Variants in NXNL2 observed in about 807,000 individuals in gnomAD.
NXNL2 encodes the protein nucleoredoxin-like protein 2.
Under a neutral mutation model 11.1 loss-of-function variants are expected in NXNL2, and 7 were observed. The ratio of observed to expected loss-of-function variants is 0.63; its 90% CI spans 0.36 to 1.18. NXNL2 has a LOEUF of 1.18. Among genes scored for constraint, NXNL2 ranks in the 50% most tolerant of loss-of-function variants. The probability of loss-of-function intolerance (pLI) is 0.02; values close to 1 mark genes in which losing one functional copy is unlikely to be tolerated. For missense variants in NXNL2, 233 were observed against 217.7 expected (o/e 1.07, Z -0.44); for synonymous variants, 109 against 101.8 (o/e 1.07, Z -0.42).
intron 1 of NXNL2, among the ~76,000 whole-genome samples, chr9:88,564,252 ATCTATCTATCTATCTG>A (rs1383856969): frequency 1.6e-4 from 22 of 134,418 alleles, no homozygotes; most frequent in African/African-American, 4.9e-4. Context: ...CTATCTATCT[ATCTATCTATCTATCTG>A]TCTATCTATC....
At chr9:88,538,613 C>T (rs1278750921) in intron 1 of NXNL2, among the ~76,000 whole-genome samples, 1 of 152,206 alleles carries the variant, frequency 6.6e-6, no homozygotes, top group African/African-American at 2.4e-5. Flanking sequence ...TCTTTCCCAG[C>T]ACACAGCCAG....
chr9:88,560,349 C>T (rs552137841), intron 1 of NXNL2, among the ~76,000 whole-genome samples: 136 of 151,804 alleles, frequency 9.0e-4, no homozygotes, highest in African/African-American at 3.2e-3. Context: ...AGAAAAGAGA[C>T]GGAAAGGCTG....
intron 1 of NXNL2, among the ~76,000 whole-genome samples, chr9:88,566,438 G>A (rs890283011): frequency 3.3e-5 from 5 of 152,120 alleles, no homozygotes; most frequent in Admixed American, 6.6e-5. Flanking sequence ...GAGTAGCTGG[G>A]ACTGCAGGCA....
chr9:88,575,595 C>T (rs1830338840), exon 3 of NXNL2: 1 of 151,806 alleles, frequency 6.6e-6, no homozygotes, highest in Non-Finnish European at 1.5e-5. Context: ...AGGTTGGTTA[C>T]CAGAAGCTGG....
chr9:88,536,636 C>G (rs1413340141), intron 1 of NXNL2, among the ~76,000 whole-genome samples: 1 of 152,140 alleles, frequency 6.6e-6, no homozygotes, highest in Non-Finnish European at 1.5e-5. Flanking sequence ...GGCATTACCC[C>G]CTAAACTGAT....
chr9:88,581,258 C>T (rs1830405285), intron 1 of NXNL2, among the ~76,000 whole-genome samples: 1 of 152,166 alleles, frequency 6.6e-6, no homozygotes. Context: ...AAGAAATGGG[C>T]GAAGCCTATT....
At chr9:88,564,622 G>T (rs1587852824) in intron 1 of NXNL2, among the ~76,000 whole-genome samples, 1 of 151,972 alleles carries the variant, frequency 6.6e-6, no homozygotes. Context: ...CTCCATGTTG[G>T]TCAGGCTGGT....
downstream of NXNL2, among the ~76,000 whole-genome samples, chr9:88,545,534 C>T (rs1273615513): frequency 1.3e-5 from 2 of 152,164 alleles, no homozygotes; most frequent in African/African-American, 2.4e-5. Context: ...ACTCAGTGAA[C>T]CTGTGCCACT....
At chr9:88,538,604 C>G (rs962802262) in intron 1 of NXNL2, among the ~76,000 whole-genome samples, 1 of 152,188 alleles carries the variant, frequency 6.6e-6, no homozygotes, top group Non-Finnish European at 1.5e-5. Context: ...GTACTTTCCT[C>G]TTTCCCAGCA....
intron 1 of NXNL2, among the ~76,000 whole-genome samples, chr9:88,563,224 G>A (rs771409596): frequency 5.9e-5 from 9 of 152,228 alleles, no homozygotes; most frequent in East Asian, 1.9e-4. Context: ...ATGTATGCTC[G>A]TGCACATGCA....
chr9:88,558,527 G>A (rs1830046909), intron 1 of NXNL2, among the ~76,000 whole-genome samples: 1 of 152,126 alleles, frequency 6.6e-6, no homozygotes, highest in African/African-American at 2.4e-5. Flanking sequence ...AACTTAAGGA[G>A]AGGGTCATGG....
At chr9:88,542,151 T>C (rs1174292441) in intron 1 of NXNL2, among the ~76,000 whole-genome samples, 2 of 151,574 alleles carry the variant, frequency 1.3e-5, no homozygotes, top group East Asian at 3.9e-4. Context: ...GAGAATGGCA[T>C]GAACCCAGGA....
chr9:88,544,424 G>A lies in NXNL2; in HGVS notation c.348G>A (p.Val116=). 1 of 1,551,956 alleles carries A rather than the reference G, an allele frequency of 6.4e-7. No homozygotes were observed. The highest frequency in any genetic ancestry group is 8.7e-7 in the Non-Finnish European group (1 of 1,147,034). The change falls in exon 2 of 2, where the codon GTG becomes GTA. Residue 116 remains valine, a synonymous_variant. Coordinates refer to ENST00000375854, the MANE Select transcript of NXNL2 (RefSeq NM_001161625.2). ...ACGTCACAGCCATCCCCAAGCTTGT[G>A]ATTGTGAAACAAAATGGGGAGGTCA... The part of the protein sequence containing the change: ...RYNVTAIPKL[V]IVKQNGEVIT...
In NXNL2 at chr9:88,564,238, T is replaced by TTGTC. The variant is rs1446630273; in HGVS notation, c.303-6847_303-6844dup. Among the ~76,000 whole-genome samples, 10 of 141,108 alleles carry TTGTC rather than the reference T, an allele frequency of 7.1e-5. No individual in the cohort carries two copies. The East Asian group carries it at 1.5e-3, about 21-fold the overall frequency. 92.6% of individuals were successfully genotyped at this position (141,108 alleles called of 152,430 possible). A position where few individuals can be genotyped will look rare whatever the true frequency, so the allele number is the denominator to read the frequency against. On this transcript the variant is annotated intron_variant, in intron 1 of 2. Transcript: ENST00000375855. Reference sequence around the variant, plus strand: ...AAAAAAAAAAAGCCCTTCTCTGATGTTGTCTATCTATCTATCTATCTATCT... The same window carrying TTGTC: ...AAAAAAAAAAAGCCCTTCTCTGATGTTGTCTGTCTATCTATCTATCTATCTATCT...
intron 1 of NXNL2, among the ~76,000 whole-genome samples, chr9:88,555,448 A>G (rs746695943): frequency 3.2e-4 from 48 of 151,660 alleles, no homozygotes; most frequent in Middle Eastern, 6.8e-3. Flanking sequence ...CTGATGCACT[A>G]TATAATTAGC....
chr9:88,572,866 TCA>T (rs1404708045), intron 2 of NXNL2, among the ~76,000 whole-genome samples: 1 of 152,180 alleles, frequency 6.6e-6, no homozygotes, highest in Non-Finnish European at 1.5e-5. Flanking sequence ...CGGGATGTGC[TCA>T]CAGGCTGGTG....
intron 2 of NXNL2, among the ~76,000 whole-genome samples, chr9:88,574,856 G>T (rs1466128029): frequency 6.6e-6 from 1 of 152,210 alleles, no homozygotes. Flanking sequence ...CCTGGCAGGG[G>T]CCAGGTGGTC....
chr9:88,550,799 C>T (rs1341581368), intron 1 of NXNL2, among the ~76,000 whole-genome samples: 1 of 152,136 alleles, frequency 6.6e-6, no homozygotes. Context: ...ATGACATTTT[C>T]CATTTGGTAT....
intron 1 of NXNL2, among the ~76,000 whole-genome samples, chr9:88,569,635 T>C (rs555645059): frequency 6.6e-6 from 1 of 152,354 alleles, no homozygotes; most frequent in African/African-American, 2.4e-5. Flanking sequence ...TATGCACTTA[T>C]TGTTATTAAG....
Sources: gnomAD v4.1 joint callset for allele counts (sites outside exome capture counted in the v4.1 genomes callset) on GRCh38, gnomAD v4.1.1 for gene constraint, MANE v1.5 for transcripts, NCBI Gene and HGNC (gene_info 2026-07-23, HGNC 2026-07-21) for gene names.